The following ADAMTS16 variants were observed in gnomAD, a reference collection of about 807,000 sequenced individuals.
The protein encoded by ADAMTS16 is A disintegrin and metalloproteinase with thrombospondin motifs 16.
Under a neutral mutation model 145.8 loss-of-function variants are expected in ADAMTS16, and 94 were observed. That is an observed-to-expected ratio of 0.64 (90% CI 0.55 to 0.77). ADAMTS16 has a LOEUF of 0.77. ADAMTS16 is among the 30% of genes least tolerant of loss of function. The probability of loss-of-function intolerance (pLI) is 0.00; values close to 1 mark genes in which losing one functional copy is unlikely to be tolerated. For synonymous variants in ADAMTS16, 659 were observed against 604.3 expected, an observed-to-expected ratio of 1.09 and a Z score of -1.33; for missense variants, 1,585 against 1,591.5, an observed-to-expected ratio of 1.00 and a Z score of 0.07.
At chr5:5,282,015 A>T (rs1325694643) in intron 18 of ADAMTS16, among the ~76,000 whole-genome samples, 1 of 101,722 alleles carries the variant, frequency 9.8e-6, no homozygotes, top group Non-Finnish European at 2.1e-5. Flanking sequence ...GTGATAATGC[A>T]TTGGTTTGCT....
intron 3 of ADAMTS16, among the ~76,000 whole-genome samples, chr5:5,164,516 C>T (rs1281506311): frequency 6.6e-6 from 1 of 152,182 alleles, no homozygotes; most frequent in Non-Finnish European, 1.5e-5. Context: ...GACTGATTCT[C>T]TTCCAAGGGC....
Position 5,235,051 on chromosome 5 carries a change from C to T in ADAMTS16, c.1888C>T (p.Arg630Cys), listed in dbSNP as rs200111235. Residue 630 changes from arginine (R) to cysteine (C), a missense_variant, in exon 13 of 23, where the codon CGC (arginine) becomes TGC (cysteine). Arg to Cys is a radical substitution (Grantham distance 180). This residue lies in a region of ADAMTS16 where 834 missense variants were observed against 811.7 expected (regional missense o/e 1.03). Coordinates refer to ENST00000274181, the MANE Select transcript of ADAMTS16 (RefSeq NM_139056.4). ...AGGGAAGTTCTGTGAGGGCTCCACTCGCACTCTGAAGCTCTGCAACAGTCA... is the reference window on the plus strand; with the variant it reads ...AGGGAAGTTCTGTGAGGGCTCCACTTGCACTCTGAAGCTCTGCAACAGTCA... The part of the protein sequence containing the change: ...HGGKFCEGST[R>C]TLKLCNSQKC... 84 of 1,597,224 alleles carry T rather than the reference C, an allele frequency of 5.3e-5. No individual in the cohort carries two copies. The East Asian group carries it at 5.9e-4, about 11-fold the overall frequency.
At chr5:5,311,643 T>G (rs1319617290) in intron 21 of ADAMTS16, among the ~76,000 whole-genome samples, 3 of 151,678 alleles carry the variant, frequency 2.0e-5, no homozygotes, top group Non-Finnish European at 2.9e-5. Context: ...GCCTCCCCAG[T>G]TCAAGTGATT....
Position 5,232,378 on chromosome 5 carries a change from G to T in ADAMTS16, c.1712G>T (p.Gly571Val). 1 of 1,614,024 alleles carries T rather than the reference G, an allele frequency of 6.2e-7. No homozygotes were observed. Among genetic ancestry groups the T allele is most frequent in the Non-Finnish European group, 8.5e-7 (1 of 1,180,004 alleles). Residue 571 changes from glycine to valine, a missense_variant, in exon 12 of 23, where the codon GGA (glycine) becomes GTA (valine). Gly to Val is a moderately radical substitution (Grantham distance 109). Transcript: ENST00000274181. ...TICGHDMWCR[G>V]GQCVKYGDEG... ...TGTTGAAAATTTTAGTGGTGCCGGG[G>T]AGGACAGTGTGTGAAATATGGTGAT...
intron 3 of ADAMTS16, among the ~76,000 whole-genome samples, chr5:5,155,817 T>C (rs940384335): frequency 6.6e-6 from 1 of 151,466 alleles, no homozygotes; most frequent in East Asian, 1.9e-4. Flanking sequence ...AGACAGAAAG[T>C]CCACAGGAGC....
intron 2 of ADAMTS16, among the ~76,000 whole-genome samples, chr5:5,141,096 A>G (rs1734156585): frequency 6.6e-6 from 1 of 152,348 alleles, no homozygotes; most frequent in Admixed American, 6.5e-5. Flanking sequence ...CGTCATAAAG[A>G]GCAAATTACT....
At chr5:5,233,668 G>A (rs1737006757) in intron 12 of ADAMTS16, among the ~76,000 whole-genome samples, 1 of 152,136 alleles carries the variant, frequency 6.6e-6, no homozygotes, top group East Asian at 1.9e-4. Context: ...CAAACAACAT[G>A]ATCTCTTCCT....
chr5:5,227,914 T>C (rs1318944922), intron 11 of ADAMTS16, among the ~76,000 whole-genome samples: 1 of 152,146 alleles, frequency 6.6e-6, no homozygotes, highest in Non-Finnish European at 1.5e-5. Flanking sequence ...TCTGTAAAAA[T>C]GCGATGAGGG....
At chr5:5,301,900 G>A (rs1004438398) in intron 18 of ADAMTS16, among the ~76,000 whole-genome samples, 1 of 152,150 alleles carries the variant, frequency 6.6e-6, no homozygotes, top group Admixed American at 6.5e-5. Flanking sequence ...TGGGACCCCT[G>A]GTGCCCTGCA....
intron 3 of ADAMTS16, among the ~76,000 whole-genome samples, chr5:5,159,669 G>A (rs939198156): frequency 1.3e-5 from 2 of 152,176 alleles, no homozygotes; most frequent in Admixed American, 6.5e-5. Context: ...GGATTAGAAT[G>A]TATTTTATTA....
intron 8 of ADAMTS16, among the ~76,000 whole-genome samples, chr5:5,193,541 T>C (rs1735721831): frequency 6.6e-6 from 1 of 152,170 alleles, no homozygotes; most frequent in African/African-American, 2.4e-5. Context: ...GCTTAGCCAG[T>C]GAACGTTCGA....
At chr5:5,299,091 C>T (rs188275315) in intron 18 of ADAMTS16, among the ~76,000 whole-genome samples, 1 of 152,302 alleles carries the variant, frequency 6.6e-6, no homozygotes, top group East Asian at 1.9e-4. Flanking sequence ...TTATCAATGC[C>T]TCGTGTAGGT....
chr5:5,208,141 T>C (rs6888758), intron 9 of ADAMTS16, among the ~76,000 whole-genome samples: 39,799 of 152,010 alleles, frequency 0.26, 6,374 homozygotes, highest in East Asian at 0.43. Context: ...AGAGAACCCA[T>C]CTGGGCTATA....
At chr5:5,162,895 G>A (rs1560929403) in intron 3 of ADAMTS16, among the ~76,000 whole-genome samples, 1 of 152,144 alleles carries the variant, frequency 6.6e-6, no homozygotes, top group African/African-American at 2.4e-5. Flanking sequence ...CCTAGAGAGT[G>A]GATGGTCTCC....
At chr5:5,170,800 A>G (rs1211601320) in intron 3 of ADAMTS16, among the ~76,000 whole-genome samples, 2 of 151,460 alleles carry the variant, frequency 1.3e-5, no homozygotes, top group Non-Finnish European at 2.9e-5. Context: ...ATTTTCTCCC[A>G]TTCTGTGGGT....
intron 10 of ADAMTS16, among the ~76,000 whole-genome samples, chr5:5,218,998 G>T (rs1207964948): frequency 6.6e-6 from 1 of 152,130 alleles, no homozygotes; most frequent in African/African-American, 2.4e-5. Context: ...CAGGATCGGG[G>T]GCGTGGCAGG....
intron 3 of ADAMTS16, among the ~76,000 whole-genome samples, chr5:5,147,009 T>C (rs977336737): frequency 2.0e-5 from 3 of 152,140 alleles, no homozygotes; most frequent in African/African-American, 7.2e-5. Context: ...CCCCATGTCC[T>C]GCATATCGGG....
At chr5:5,177,039 C>T (rs1735216613) in intron 3 of ADAMTS16, among the ~76,000 whole-genome samples, 1 of 152,238 alleles carries the variant, frequency 6.6e-6, no homozygotes, top group Admixed American at 6.5e-5. Context: ...CCTGCTTCTC[C>T]TTCGTCCAGC....
intron 18 of ADAMTS16, among the ~76,000 whole-genome samples, chr5:5,266,880 T>G (rs1738257134): frequency 1.3e-5 from 2 of 152,196 alleles, no homozygotes; most frequent in South Asian, 4.1e-4. Flanking sequence ...GAGACCATAA[T>G]ACAATTATTG....
Sources: allele counts gnomAD v4.1 joint callset (sites outside exome capture counted in the v4.1 genomes callset), GRCh38; gene constraint gnomAD v4.1.1; regional missense constraint gnomAD v4.1.1; transcripts MANE v1.5; gene names NCBI Gene and HGNC (gene_info 2026-07-23, HGNC 2026-07-21).